The following CHST9 variants were observed in gnomAD, a reference collection of about 807,000 sequenced individuals.
The protein encoded by CHST9 is GalNAc-4-sulfotransferase 2.
In CHST9, 41 loss-of-function variants were observed where a neutral mutation model predicts 44.4. The observed-to-expected ratio is 0.92, with a 90% CI of 0.72 to 1.20. The LOEUF (loss-of-function observed/expected upper bound fraction) is 1.20. Ranked by LOEUF, CHST9 falls within the 50% of genes most tolerant of loss-of-function variation. The probability of loss-of-function intolerance (pLI) is 0.00; values close to 1 mark genes in which losing one functional copy is unlikely to be tolerated. For missense variants in CHST9, 504 were observed against 516.5 expected (o/e 0.98, Z 0.23); for synonymous variants, 171 against 178.4 (o/e 0.96, Z 0.33).
intron 1 of CHST9, among the ~76,000 whole-genome samples, chr18:27,183,610 A>G (rs2058930923): frequency 6.6e-6 from 1 of 152,174 alleles, no homozygotes; most frequent in African/African-American, 2.4e-5. Context: ...TATTGACGAT[A>G]TGCAATCTAA....
intron 2 of CHST9, among the ~76,000 whole-genome samples, chr18:27,141,238 G>A (rs1053270563): frequency 1.3e-5 from 2 of 152,050 alleles, no homozygotes; most frequent in Non-Finnish European, 2.9e-5. Flanking sequence ...GGTGGCGGGC[G>A]CCTGTAGTCC....
At chr18:26,921,692 T>TCTTCAC (rs2055657591) in intron 5 of CHST9, among the ~76,000 whole-genome samples, 4 of 152,156 alleles carry the variant, frequency 2.6e-5, no homozygotes, top group African/African-American at 9.7e-5. Context: ...ATCATCATCA[T>TCTTCAC]CATCTTCACA....
rs117475898 is a variant in CHST9, at chr18:27,100,113, C to T, written c.121+42576G>A. Among the ~76,000 whole-genome samples the T allele has an allele frequency of 3.7e-3, 555 of 151,920 alleles. 2 individuals are homozygous for T. The highest frequency in any genetic ancestry group is 6.6e-3 in the Non-Finnish European group (448 of 67,980). On this transcript the variant is annotated intron_variant, in intron 2 of 5. Transcript: ENST00000618847. Reference sequence around the variant, plus strand: ...TGAAATCATGTTCTTTACAGTAACACGAGTGCAGCTGGAAACAATTATTCT... The same window carrying T: ...TGAAATCATGTTCTTTACAGTAACATGAGTGCAGCTGGAAACAATTATTCT...
At chr18:27,015,939 T>C (rs1336207131) in intron 4 of CHST9, among the ~76,000 whole-genome samples, 3 of 152,172 alleles carry the variant, frequency 2.0e-5, no homozygotes, top group Non-Finnish European at 2.9e-5. Context: ...TCTACAAACT[T>C]CTTCAGTATA....
chr18:27,168,077 A>AATT (rs575491677), intron 1 of CHST9, among the ~76,000 whole-genome samples: 1 of 140,146 alleles, frequency 7.1e-6, no homozygotes, highest in Non-Finnish European at 1.5e-5. Context: ...GATTATACCT[A>AATT]TTTTTTTTTT....
chr18:27,175,107 A>G (rs1311205475), intron 1 of CHST9, among the ~76,000 whole-genome samples: 1 of 152,026 alleles, frequency 6.6e-6, no homozygotes, highest in African/African-American at 2.4e-5. Flanking sequence ...ACCTTGTTTG[A>G]ATCTTTTGTG....
intron 2 of CHST9, among the ~76,000 whole-genome samples, chr18:27,082,795 G>C (rs1006406853): frequency 6.6e-6 from 1 of 152,096 alleles, no homozygotes; most frequent in African/African-American, 2.4e-5. Context: ...CCTTTGATAC[G>C]TCCAGCTGAA....
chr18:27,138,655 T>C (rs938755585), intron 2 of CHST9, among the ~76,000 whole-genome samples: 4 of 152,208 alleles, frequency 2.6e-5, no homozygotes, highest in African/African-American at 9.7e-5. Flanking sequence ...CTCACGTTCA[T>C]TGTGCATTAC....
rs1234364217 is a variant in CHST9, at chr18:26,910,370, G to A, written c.*5889C>T. ...AAATAGGGTCAAGGATAATGTTCAG[G>A]AGTTGATTTCCTTTGGAAGCTTGGC... On this transcript the variant is annotated 3_prime_UTR_variant, in exon 6 of 6. Transcript: ENST00000618847. 1 of 152,196 alleles carries A rather than the reference G, an allele frequency of 6.6e-6. No individual in the cohort carries two copies. Among genetic ancestry groups the A allele is most frequent in the African/African-American group, 2.4e-5 (1 of 41,438 alleles). 9.4% of individuals were successfully genotyped at this position (152,196 alleles called of 1,614,324 possible). A position where few individuals can be genotyped will look rare whatever the true frequency, so the allele number is the denominator to read the frequency against.
chr18:26,926,894 T>C (rs1308620086), intron 5 of CHST9, among the ~76,000 whole-genome samples: 1 of 152,264 alleles, frequency 6.6e-6, no homozygotes, highest in Non-Finnish European at 1.5e-5. Flanking sequence ...AATAAGTTGG[T>C]GTTTTCACTA....
At chr18:27,008,185 C>T (rs554056009) in intron 4 of CHST9, among the ~76,000 whole-genome samples, 1 of 152,186 alleles carries the variant, frequency 6.6e-6, no homozygotes, top group East Asian at 1.9e-4. Flanking sequence ...GTATACAGAT[C>T]TGGTGAAGAT....
chr18:27,013,786 A>G (rs553000245), intron 4 of CHST9, among the ~76,000 whole-genome samples: 1 of 152,314 alleles, frequency 6.6e-6, no homozygotes, highest in African/African-American at 2.4e-5. Flanking sequence ...AATTTCCTAG[A>G]TGATCATTTA....
intron 4 of CHST9, among the ~76,000 whole-genome samples, chr18:27,007,702 G>A (rs939642681): frequency 2.6e-5 from 4 of 152,148 alleles, no homozygotes; most frequent in Admixed American, 6.5e-5. Context: ...ATTAGGACAG[G>A]TCATGTCAGA....
At chr18:26,932,948 G>C (rs904265823) in intron 5 of CHST9, 17 of 153,746 alleles carry the variant, frequency 1.1e-4, no homozygotes, top group Admixed American at 9.8e-4. Context: ...CAAAATAACA[G>C]GTGTCATTCT....
At chr18:27,007,605 T>C (rs1450176425) in intron 4 of CHST9, among the ~76,000 whole-genome samples, 1 of 151,890 alleles carries the variant, frequency 6.6e-6, no homozygotes, top group Non-Finnish European at 1.5e-5. Context: ...AAAATTCCAA[T>C]AGAAGAACAA....
intron 2 of CHST9, among the ~76,000 whole-genome samples, chr18:27,098,318 G>A (rs1315524891): frequency 6.6e-6 from 1 of 152,132 alleles, no homozygotes; most frequent in Non-Finnish European, 1.5e-5. Flanking sequence ...ACAGATGCTG[G>A]TGAGGCTGAA....
At chr18:27,181,809 A>T (rs2058914639) in intron 1 of CHST9, among the ~76,000 whole-genome samples, 1 of 152,220 alleles carries the variant, frequency 6.6e-6, no homozygotes, top group Non-Finnish European at 1.5e-5. Flanking sequence ...ACAGGCATAC[A>T]ATCAAGTCTT....
intron 4 of CHST9, among the ~76,000 whole-genome samples, chr18:27,020,759 G>A (rs1568136072): frequency 6.6e-6 from 1 of 152,156 alleles, no homozygotes; most frequent in Non-Finnish European, 1.5e-5. Context: ...TTGGCAAATT[G>A]AGGACGAAAG....
At chr18:26,929,090 ACT>A (rs1436902856) in intron 5 of CHST9, among the ~76,000 whole-genome samples, 35 of 152,078 alleles carry the variant, frequency 2.3e-4, no homozygotes, top group Admixed American at 2.3e-3. Flanking sequence ...GTCTTCCTAT[ACT>A]CACTCTTCCT....
Sources: gnomAD v4.1 joint callset for allele counts (sites outside exome capture counted in the v4.1 genomes callset) on GRCh38, gnomAD v4.1.1 for gene constraint, MANE v1.5 for transcripts, NCBI Gene and HGNC (gene_info 2026-07-23, HGNC 2026-07-21) for gene names.